The following GFI1B variants were observed in gnomAD, a reference collection of about 807,000 sequenced individuals.
GFI1B encodes zinc finger protein Gfi-1b.
Under a neutral mutation model 35.3 loss-of-function variants are expected in GFI1B, and 20 were observed. The ratio of observed to expected loss-of-function variants is 0.57; its 90% confidence interval spans 0.40 to 0.82. The LOEUF (loss-of-function observed/expected upper bound fraction) is 0.82. GFI1B is among the 40% of genes least tolerant of loss of function. The pLI is 0.00. For missense variants in GFI1B, 430 were observed against 446.3 expected, an observed-to-expected ratio of 0.96 and a Z score of 0.33; for synonymous variants, 178 against 177.6, an observed-to-expected ratio of 1.00 and a Z score of -0.02.
intron 1 of GFI1B, among the ~76,000 whole-genome samples, chr9:132,955,631 A>G (rs1848270200): frequency 6.6e-6 from 1 of 152,108 alleles, no homozygotes; most frequent in African/African-American, 2.4e-5. Context: ...TTGTCTCTTA[A>G]TTGACAAAAT....
chr9:132,960,317 G>A (rs1043526689), intron 1 of GFI1B, among the ~76,000 whole-genome samples: 2 of 152,206 alleles, frequency 1.3e-5, no homozygotes, highest in African/African-American at 2.4e-5. Context: ...AAATGGTCAG[G>A]TGTAGGGAAT....
At chr9:132,962,137 C>CTTTTTTTTT (rs56259129) in intron 1 of GFI1B, among the ~76,000 whole-genome samples, 1 of 129,614 alleles carries the variant, frequency 7.7e-6, no homozygotes, top group Admixed American at 8.0e-5. Context: ...TTTTTTTTTT[C>CTTTTTTTTT]TTTTTTTTTT....
At chr9:132,973,240 G>A (rs1379429872) in intron 2 of GFI1B, among the ~76,000 whole-genome samples, 2 of 152,226 alleles carry the variant, frequency 1.3e-5, no homozygotes, top group African/African-American at 4.8e-5. Flanking sequence ...GAGTGTCGTA[G>A]CCCCGGTGCC....
chr9:132,964,303 A>G (rs1235111973), intron 1 of GFI1B, among the ~76,000 whole-genome samples: 2 of 152,176 alleles, frequency 1.3e-5, no homozygotes, highest in African/African-American at 2.4e-5. Context: ...CGGGTACAAT[A>G]TACACTATCT....
upstream of GFI1B, chr9:132,975,238 G>A (rs1709522258): frequency 6.6e-6 from 1 of 152,166 alleles, no homozygotes; most frequent in South Asian, 2.1e-4. Flanking sequence ...TTTAAACCAG[G>A]GAAGAATCTT....
intron 1 of GFI1B, among the ~76,000 whole-genome samples, chr9:132,984,976 G>A (rs1203522033): frequency 1.3e-5 from 2 of 150,332 alleles, no homozygotes; most frequent in African/African-American, 4.9e-5. Context: ...TATCACCCAG[G>A]CCCTCACTGC....
At chr9:132,977,828 A>G (rs1848675747), upstream of GFI1B, among the ~76,000 whole-genome samples, 1 of 152,168 alleles carries the variant, frequency 6.6e-6, no homozygotes, top group African/African-American at 2.4e-5. Context: ...GTCTGCCACC[A>G]GAGGGCAGCA....
intron 1 of GFI1B, among the ~76,000 whole-genome samples, chr9:132,960,398 C>T (rs1415262594): frequency 6.6e-6 from 1 of 152,190 alleles, no homozygotes; most frequent in Non-Finnish European, 1.5e-5. Context: ...CTGTAGGCAA[C>T]GCAGAACCCC....
At chr9:132,955,808 ATGTGTGTGTG>A (rs3049917) in intron 1 of GFI1B, among the ~76,000 whole-genome samples, 36 of 146,552 alleles carry the variant, frequency 2.5e-4, no homozygotes, top group African/African-American at 8.3e-4. Context: ...GTGTGTGTGC[ATGTGTGTGTG>A]TGTGTGTGTG....
upstream of GFI1B, among the ~76,000 whole-genome samples, chr9:132,977,869 T>C (rs1455858679): frequency 3.9e-5 from 6 of 152,200 alleles, no homozygotes; most frequent in African/African-American, 1.2e-4. Flanking sequence ...GCCTTCAATC[T>C]GTATGGCAGC....
intron 3 of GFI1B, 128 bp downstream of exon 3, chr9:132,987,547 C>G: frequency 9.3e-7 from 1 of 1,079,604 alleles, no homozygotes; most frequent in Non-Finnish European, 1.4e-6. Flanking sequence ...TGGATGCAGC[C>G]CGGGCTCTGT....
intron 1 of GFI1B, among the ~76,000 whole-genome samples, chr9:132,984,464 G>T (rs1848954939): frequency 6.6e-6 from 1 of 152,192 alleles, no homozygotes; most frequent in African/African-American, 2.4e-5. Flanking sequence ...GGCCTTCAAG[G>T]TCCTTTCTCC....
At chr9:132,966,362 A>G (rs1431863535) in intron 1 of GFI1B, among the ~76,000 whole-genome samples, 1 of 150,038 alleles carries the variant, frequency 6.7e-6, no homozygotes, top group East Asian at 1.9e-4. Context: ...CTATCTCAAA[A>G]AGAAAAAAAA....
chr9:132,958,439 A>T (rs892848328), intron 1 of GFI1B, among the ~76,000 whole-genome samples: 1 of 152,196 alleles, frequency 6.6e-6, no homozygotes, highest in Non-Finnish European at 1.5e-5. Flanking sequence ...AGGCAAATGG[A>T]AAGCAGGCAC....
intron 1 of GFI1B, among the ~76,000 whole-genome samples, chr9:132,984,736 C>T (rs1848971321): frequency 6.6e-6 from 1 of 152,198 alleles, no homozygotes; most frequent in South Asian, 2.1e-4. Context: ...AGTGATGAGC[C>T]TTACAGCAGG....
chr9:132,972,079 A>G (rs1490200861), intron 1 of GFI1B, among the ~76,000 whole-genome samples: 1 of 151,918 alleles, frequency 6.6e-6, no homozygotes, highest in Non-Finnish European at 1.5e-5. Context: ...GTTTGAGACC[A>G]ACCTGGACAA....
At chr9:132,977,102 C>T (rs1417682362), upstream of GFI1B, among the ~76,000 whole-genome samples, 1 of 152,146 alleles carries the variant, frequency 6.6e-6, no homozygotes, top group Non-Finnish European at 1.5e-5. Flanking sequence ...AGATTACAGG[C>T]ATGTGCCACC....
At position 132,990,192 on chromosome 9, in the gene GFI1B, T is replaced by C. The variant is rs139179893; in HGVS notation, c.814+285T>C. On this transcript the variant is annotated intron_variant, in intron 6 of 6. Coordinates refer to ENST00000372122, the MANE Select transcript of GFI1B (RefSeq NM_001377304.1). ...TTGTTCACTCATTCACTCACTCACT[T>C]GCTCATTCATTTGTTCACTCATTTG... Among the ~76,000 whole-genome samples the C allele has an allele frequency of 2.3e-4, 35 of 152,336 alleles. 1 individual carries two copies. In the East Asian group the frequency reaches 6.2e-3, roughly 27 times the overall value.
chr9:132,987,513 G>C (rs1280754156), intron 3 of GFI1B, 94 bp downstream of exon 3: 2 of 1,449,756 alleles, frequency 1.4e-6, no homozygotes, highest in African/African-American at 2.8e-5. Flanking sequence ...GGGCCCTGGA[G>C]TCAGGAAGGA....
Sources: gnomAD v4.1 joint callset for allele counts (sites outside exome capture counted in the v4.1 genomes callset) on GRCh38, gnomAD v4.1.1 for gene constraint, MANE v1.5 for transcripts, NCBI Gene and HGNC (gene_info 2026-07-23, HGNC 2026-07-21) for gene names.